AGXT2: variants seen among roughly 807,000 people sequenced by gnomAD.
The protein encoded by AGXT2 is alanine--glyoxylate aminotransferase 2.
AGXT2 carries 61 observed loss-of-function variants against 62.5 expected under a neutral mutation model. That is an observed-to-expected ratio of 0.98 (90% CI 0.79 to 1.21). The LOEUF (loss-of-function observed/expected upper bound fraction) is 1.21. Ranked by LOEUF, AGXT2 falls within the 50% of genes most tolerant of loss-of-function variation. AGXT2 has a pLI of 0.00. For missense variants in AGXT2, 666 were observed against 641.5 expected, an observed-to-expected ratio of 1.04 and a Z score of -0.41; for synonymous variants, 243 against 218.7, an observed-to-expected ratio of 1.11 and a Z score of -0.98.
chr5:34,999,918 C>T (rs941336898), intron 13 of AGXT2, among the ~76,000 whole-genome samples: 5 of 152,166 alleles, frequency 3.3e-5, no homozygotes, highest in Non-Finnish European at 5.9e-5. Context: ...TTCAACTTCC[C>T]CTTAGCCTAT....
chr5:35,046,002 C>T (rs1379053086), intron 1 of AGXT2, among the ~76,000 whole-genome samples: 3 of 151,968 alleles, frequency 2.0e-5, no homozygotes, highest in Non-Finnish European at 4.4e-5. Flanking sequence ...CTCCTGACCT[C>T]GTGATCCGCC....
chr5:35,026,812 T>A, intron 7 of AGXT2: 1 of 978,978 alleles, frequency 1.0e-6, no homozygotes, highest in South Asian at 4.7e-5. Flanking sequence ...TGAGCTGGTA[T>A]AGATAGCTGT....
intron 1 of AGXT2, 51 bp downstream of exon 1, chr5:35,047,754 T>TA (rs1408159954): frequency 6.2e-7 from 1 of 1,604,476 alleles, no homozygotes; most frequent in African/African-American, 1.3e-5. Context: ...GCTCAAGTCT[T>TA]ACCCTCTCGC....
intron 7 of AGXT2, chr5:35,027,186 T>C (rs1251278558): frequency 5.9e-6 from 1 of 170,460 alleles, no homozygotes; most frequent in Non-Finnish European, 1.2e-5. Context: ...TTTGGTACAC[T>C]GTAGGTGGTG....
At chr5:35,044,862 G>T (rs566776383) in intron 1 of AGXT2, among the ~76,000 whole-genome samples, 4 of 152,214 alleles carry the variant, frequency 2.6e-5, no homozygotes, top group Admixed American at 2.6e-4. Context: ...TGGCAAGGCT[G>T]CCTGGAGGGG....
chr5:35,022,317 C>A (rs1435024336), intron 9 of AGXT2, among the ~76,000 whole-genome samples: 1 of 151,842 alleles, frequency 6.6e-6, no homozygotes, highest in Non-Finnish European at 1.5e-5. Context: ...AGACTTGGAA[C>A]CAACCCAAAT....
At chr5:35,037,894 T>C (rs1264428976) in intron 3 of AGXT2, among the ~76,000 whole-genome samples, 1 of 152,238 alleles carries the variant, frequency 6.6e-6, no homozygotes, top group Non-Finnish European at 1.5e-5. Context: ...TTGTGGAACC[T>C]GACTTGGCTT....
At chr5:35,009,873 G>T in intron 12 of AGXT2, 127 bp downstream of exon 12, 1 of 1,276,552 alleles carries the variant, frequency 7.8e-7, no homozygotes, top group Non-Finnish European at 1.1e-6. Context: ...TCTCTAAAGG[G>T]CTTTGCTGAA....
At chr5:35,019,592 T>G (rs1766988438) in intron 9 of AGXT2, among the ~76,000 whole-genome samples, 1 of 152,172 alleles carries the variant, frequency 6.6e-6, no homozygotes. Flanking sequence ...GAGGGAAACT[T>G]ATAGCACTAA....
chr5:35,027,741 T>C (rs1314762416), intron 7 of AGXT2, among the ~76,000 whole-genome samples: 1 of 151,344 alleles, frequency 6.6e-6, no homozygotes, highest in Non-Finnish European at 1.5e-5. Context: ...CTCCAGAGCC[T>C]ATCTGAGTTT....
intron 1 of AGXT2, among the ~76,000 whole-genome samples, chr5:35,046,741 T>C (rs1259590106): frequency 6.6e-6 from 1 of 151,764 alleles, no homozygotes; most frequent in African/African-American, 2.4e-5. Flanking sequence ...GAGGAGAAAA[T>C]GAAGGCAAAG....
intron 3 of AGXT2, among the ~76,000 whole-genome samples, 159 bp downstream of exon 3, chr5:35,039,165 A>G (rs555617083): frequency 3.9e-4 from 60 of 152,352 alleles, no homozygotes; most frequent in Admixed American, 2.3e-3. Context: ...AAGGGTGTCA[A>G]GATTTTGTAC....
intron 1 of AGXT2, among the ~76,000 whole-genome samples, chr5:35,045,743 GT>G (rs927852553): frequency 2.3e-4 from 32 of 141,448 alleles, no homozygotes; most frequent in African/African-American, 6.7e-4. Flanking sequence ...AGGTAGTGTG[GT>G]TTTTTTCTTT....
In AGXT2 at chr5:35,033,459, C is replaced by G. The variant is rs766430600; in HGVS notation, c.675+1G>C. On this transcript the variant is annotated splice_donor_variant, in intron 6 of 13. Coordinates refer to ENST00000231420, the MANE Select transcript of AGXT2 (RefSeq NM_031900.4). LOFTEE classifies it high-confidence loss of function. ...AACAAGAGAAAAATCTCCAAACTCA[C>G]TGGTTGGCAACCTGTCCCACCAGGG... is the stretch of plus-strand genomic sequence containing the variant. The G allele has an allele frequency of 6.2e-7, 1 of 1,609,336 alleles. No individual in the cohort carries two copies. The highest frequency in any genetic ancestry group is 8.5e-7 in the Non-Finnish European group (1 of 1,175,600).
chr5:35,047,940 G>A lies in AGXT2; in HGVS notation c.-48C>T. On this transcript the variant is annotated 5_prime_UTR_variant, in exon 1 of 14. Transcript: ENST00000231420. ...CCCCATGGAAGCAGATTGGAGGCCG[G>A]GCTCTAACTGCTCACTATCCTGCTG... is the stretch of plus-strand genomic sequence containing the variant. 6.2e-7 allele frequency: 1 copy of A among 1,611,890 alleles called. No individual in the cohort carries two copies. The highest frequency in any genetic ancestry group is 8.5e-7 in the Non-Finnish European group (1 of 1,178,986).
rs777778215 is a variant in AGXT2 at position 35,014,012 on chromosome 5, G to A, written c.1071C>T (p.Pro357=). ...TMAKGIGNGF[P]MAAVITTPEI... ...CTGGAGTGGTTATGACTGCTGCCAT[G>A]GGAAAGCCATTCCCAATCCCTTTAG... The change falls in exon 10 of 14, where the codon CCC becomes CCT. Residue 357 remains proline, a synonymous_variant. Transcript: ENST00000231420. 1 of 1,614,082 alleles carries A rather than the reference G, an allele frequency of 6.2e-7. No homozygotes were observed. The highest frequency in any genetic ancestry group is 1.1e-5 in the South Asian group (1 of 91,084).
chr5:35,002,820 C>T (rs187784950), intron 13 of AGXT2, among the ~76,000 whole-genome samples: 117 of 151,804 alleles, frequency 7.7e-4, no homozygotes, highest in African/African-American at 2.6e-3. Flanking sequence ...ATGCGGGGAC[C>T]GATGAGTTTA....
chr5:35,004,921 C>T (rs1441978778), intron 12 of AGXT2, among the ~76,000 whole-genome samples: 1 of 152,142 alleles, frequency 6.6e-6, no homozygotes, highest in Admixed American at 6.5e-5. Context: ...TAAGATGGGA[C>T]CTCCTAGAGA....
chr5:35,011,313 A>T (rs1400529645), intron 11 of AGXT2, among the ~76,000 whole-genome samples: 1 of 152,128 alleles, frequency 6.6e-6, no homozygotes, highest in Non-Finnish European at 1.5e-5. Flanking sequence ...TACAAAAGTT[A>T]GTTGGGCATG....
Sources: gnomAD v4.1 joint callset for allele counts (sites outside exome capture counted in the v4.1 genomes callset) on GRCh38, gnomAD v4.1.1 for gene constraint, MANE v1.5 for transcripts, NCBI Gene and HGNC (gene_info 2026-07-23, HGNC 2026-07-21) for gene names.